Variants in RARB observed in about 807,000 individuals in gnomAD.
RARB encodes the protein retinoic acid receptor beta.
Under a neutral mutation model 51.9 loss-of-function variants are expected in RARB, and 17 were observed. That is an observed-to-expected ratio of 0.33 (90% CI 0.22 to 0.49). The LOEUF is 0.49. Ranked by LOEUF, RARB falls within the 20% of genes least tolerant of loss-of-function variation. RARB has a pLI of 0.99. For missense variants in RARB, 369 were observed against 550.8 expected, an observed-to-expected ratio of 0.67 and a Z score of 3.30; for synonymous variants, 215 against 195.4, an observed-to-expected ratio of 1.10 and a Z score of -0.84.
intron 5 of RARB, among the ~76,000 whole-genome samples, chr3:25,325,821 G>T (rs144724381): frequency 1.3e-5 from 2 of 151,468 alleles, no homozygotes; most frequent in Non-Finnish European, 2.9e-5. Flanking sequence ...AGTGGGGGGC[G>T]GGGGGAAGAA....
At chr3:24,859,064 A>G (rs1056263206) in intron 2 of RARB, among the ~76,000 whole-genome samples, 5 of 151,680 alleles carry the variant, frequency 3.3e-5, no homozygotes, top group Admixed American at 2.6e-4. Flanking sequence ...AAAAGAAAAA[A>G]AAAAAGTTCC....
At chr3:25,404,368 G>A (rs1707348315) in intron 5 of RARB, among the ~76,000 whole-genome samples, 1 of 152,196 alleles carries the variant, frequency 6.6e-6, no homozygotes. Context: ...TTGGTAGAAA[G>A]TTGACTTGCT....
intron 2 of RARB, among the ~76,000 whole-genome samples, chr3:25,004,958 G>C (rs897080140): frequency 6.6e-6 from 1 of 151,990 alleles, no homozygotes; most frequent in Non-Finnish European, 1.5e-5. Context: ...TTCCTGTTTA[G>C]CCAATGGAAG....
At chr3:25,011,344 G>A (rs917750807) in intron 2 of RARB, among the ~76,000 whole-genome samples, 2 of 152,106 alleles carry the variant, frequency 1.3e-5, no homozygotes, top group African/African-American at 4.8e-5. Flanking sequence ...AGAAGGTGAC[G>A]TGTGAACAAA....
At chr3:24,914,133 T>C (rs1695058615) in intron 2 of RARB, among the ~76,000 whole-genome samples, 1 of 152,306 alleles carries the variant, frequency 6.6e-6, no homozygotes, top group East Asian at 1.9e-4. Context: ...TCTCAAATCA[T>C]GTACCATTCC....
chr3:25,400,167 C>T (rs991273516), intron 5 of RARB, among the ~76,000 whole-genome samples: 1 of 152,158 alleles, frequency 6.6e-6, no homozygotes, highest in Non-Finnish European at 1.5e-5. Context: ...CCCAGAGACA[C>T]AGTCCCAGCC....
intron 5 of RARB, among the ~76,000 whole-genome samples, chr3:25,348,022 T>A (rs1705447151): frequency 6.6e-6 from 1 of 152,164 alleles, no homozygotes; most frequent in Non-Finnish European, 1.5e-5. Context: ...ACGTACTGAT[T>A]AATGCACATT....
At chr3:25,074,736 T>A (rs1314790423) in intron 3 of RARB, among the ~76,000 whole-genome samples, 1 of 152,194 alleles carries the variant, frequency 6.6e-6, no homozygotes, top group African/African-American at 2.4e-5. Flanking sequence ...GAAATGGAGA[T>A]GAAACAGATA....
At chr3:24,889,137 A>G (rs1308891588) in intron 2 of RARB, among the ~76,000 whole-genome samples, 1 of 152,206 alleles carries the variant, frequency 6.6e-6, no homozygotes, top group Non-Finnish European at 1.5e-5. Flanking sequence ...AAATGGGTGG[A>G]TTCATCAAAA....
intron 5 of RARB, among the ~76,000 whole-genome samples, chr3:25,289,230 A>G (rs1703727162): frequency 1.3e-5 from 2 of 152,188 alleles, no homozygotes; most frequent in African/African-American, 4.8e-5. Context: ...ATTCACCAAA[A>G]TGGTTAGTAA....
chr3:25,461,121 T>A, intron 1 of RARB, 72 bp from the exon 2 acceptor site: 1 of 1,474,886 alleles, frequency 6.8e-7, no homozygotes, highest in Admixed American at 2.4e-5. Flanking sequence ...GCATATGAAT[T>A]CACTGTTGAA....
intron 2 of RARB, among the ~76,000 whole-genome samples, chr3:25,001,590 G>T (rs576536811): frequency 6.6e-6 from 1 of 152,242 alleles, no homozygotes; most frequent in East Asian, 1.9e-4. Flanking sequence ...CAGAAGATCA[G>T]CTCTTAGCCA....
intron 2 of RARB, among the ~76,000 whole-genome samples, chr3:24,917,038 C>T (rs1432546307): frequency 6.6e-6 from 1 of 152,164 alleles, no homozygotes; most frequent in Non-Finnish European, 1.5e-5. Context: ...ATAGTGAATA[C>T]TGCAAATGTT....
intron 5 of RARB, chr3:25,346,029 C>T (rs569254897): frequency 4.1e-4 from 121 of 292,554 alleles, no homozygotes; most frequent in Admixed American, 7.8e-4. Flanking sequence ...GACTGATCGC[C>T]GCTGGGTTCA....
intron 2 of RARB, among the ~76,000 whole-genome samples, chr3:24,970,228 A>G (rs960429269): frequency 1.1e-4 from 16 of 152,056 alleles, no homozygotes; most frequent in Admixed American, 8.5e-4. Flanking sequence ...ATTTAGAAGG[A>G]ATTCTACATC....
At chr3:25,108,421 G>T (rs768298791) in intron 3 of RARB, among the ~76,000 whole-genome samples, 9 of 152,094 alleles carry the variant, frequency 5.9e-5, no homozygotes, top group Non-Finnish European at 1.0e-4. Flanking sequence ...TTCCATCTTG[G>T]GTTTCCTCTA....
intron 5 of RARB, among the ~76,000 whole-genome samples, chr3:25,350,645 G>A (rs1013351519): frequency 6.6e-6 from 1 of 152,164 alleles, no homozygotes; most frequent in Non-Finnish European, 1.5e-5. Flanking sequence ...GAAGACACTC[G>A]GTCTCTTTTG....
intron 3 of RARB, among the ~76,000 whole-genome samples, chr3:25,125,065 C>A (rs1275075915): frequency 6.6e-6 from 1 of 152,068 alleles, no homozygotes; most frequent in Admixed American, 6.6e-5. Flanking sequence ...AAATGAAATA[C>A]AACAGTTAGA....
At chr3:25,164,383 G>A (rs1368017540) in intron 4 of RARB, among the ~76,000 whole-genome samples, 2 of 152,150 alleles carry the variant, frequency 1.3e-5, no homozygotes, top group Non-Finnish European at 2.9e-5. Flanking sequence ...CGTTAATGCT[G>A]AGCAAGCATG....
Sources: gnomAD v4.1 joint callset for allele counts (sites outside exome capture counted in the v4.1 genomes callset) on GRCh38, gnomAD v4.1.1 for gene constraint, MANE v1.5 for transcripts, NCBI Gene and HGNC (gene_info 2026-07-23, HGNC 2026-07-21) for gene names.